ICA1L: variants seen among roughly 807,000 people sequenced by gnomAD.
ICA1L encodes the protein islet cell autoantigen 1-like protein.
A neutral mutation model predicts 61.3 loss-of-function variants in ICA1L; 50 were observed. The ratio of observed to expected loss-of-function variants is 0.82; its 90% CI spans 0.65 to 1.03. The LOEUF is 1.03. Among genes scored for constraint, ICA1L ranks in the 50% least tolerant of loss-of-function variants. The probability of loss-of-function intolerance (pLI) is 0.00; values close to 1 mark genes in which losing one functional copy is unlikely to be tolerated. For missense variants in ICA1L, 508 were observed against 556.7 expected (o/e 0.91, Z 0.88); for synonymous variants, 161 against 191.3 (o/e 0.84, Z 1.31).
At chr2:202,812,774 A>G (rs1346796668) in intron 8 of ICA1L, among the ~76,000 whole-genome samples, 1 of 152,166 alleles carries the variant, frequency 6.6e-6, no homozygotes, top group Non-Finnish European at 1.5e-5. Flanking sequence ...AATTTTCCCT[A>G]ATAGTATTAT....
intron 5 of ICA1L, 136 bp downstream of exon 5, chr2:202,819,565 A>G: frequency 1.5e-6 from 1 of 685,202 alleles, no homozygotes; most frequent in Non-Finnish European, 2.5e-6. Flanking sequence ...TACTTCAACT[A>G]CAGTCTCCAA....
chr2:202,837,965 T>C (rs976855039), intron 1 of ICA1L, among the ~76,000 whole-genome samples: 5 of 152,110 alleles, frequency 3.3e-5, no homozygotes, highest in Non-Finnish European at 1.5e-5. Context: ...GAGATTCTCC[T>C]GTCTCAGCCT....
rs1264343627 is a variant in ICA1L, at chr2:202,825,751, T to C, written c.179A>G (p.Gln60Arg). Reference protein sequence around the residue: ...DAKLEVFHSVQETCTELLKII... With the variant: ...DAKLEVFHSVRETCTELLKII... The stretch of plus-strand genomic sequence containing the variant: ...CTTCAGAAGTTCAGTGCATGTCTCT[T>C]GAACAGAGTGAAAAACCTTGAGATA... Residue 60 changes from glutamine to arginine, a missense_variant, in exon 3 of 13, where the codon CAA becomes CGA. By Grantham distance (43) the Gln-to-Arg change is conservative. Coordinates refer to ENST00000358299, the MANE Select transcript of ICA1L (RefSeq NM_001288622.3). 3.2e-6 allele frequency: 5 copies of C among 1,570,974 alleles called. No individual in the cohort carries two copies. The African/African-American group carries it at 6.8e-5, about 21-fold the overall frequency.
chr2:202,793,932 G>C (rs1487695845), intron 10 of ICA1L, among the ~76,000 whole-genome samples: 1 of 150,158 alleles, frequency 6.7e-6, no homozygotes, highest in East Asian at 2.0e-4. Flanking sequence ...GTTGCAGTGA[G>C]CCAAGAATGT....
At chr2:202,865,453 A>G (rs1301703873) in intron 1 of ICA1L, among the ~76,000 whole-genome samples, 2 of 151,636 alleles carry the variant, frequency 1.3e-5, no homozygotes, top group Non-Finnish European at 2.9e-5. Flanking sequence ...TGGGTGACAA[A>G]GCAAGACTCC....
At chr2:202,807,864 C>G (rs190406053) in intron 9 of ICA1L, among the ~76,000 whole-genome samples, 1 of 152,216 alleles carries the variant, frequency 6.6e-6, no homozygotes, top group African/African-American at 2.4e-5. Flanking sequence ...TAGACATACC[C>G]AGGGCCAGAA....
intron 1 of ICA1L, among the ~76,000 whole-genome samples, chr2:202,860,519 C>T (rs113828791): frequency 2.7e-4 from 41 of 151,836 alleles, no homozygotes; most frequent in African/African-American, 9.4e-4. Flanking sequence ...TTTGGGAGGC[C>T]GAGGCAGGCA....
At chr2:202,824,748 A>C (rs1215981658) in intron 3 of ICA1L, among the ~76,000 whole-genome samples, 1 of 152,160 alleles carries the variant, frequency 6.6e-6, no homozygotes, top group Non-Finnish European at 1.5e-5. Context: ...CAGCAGGCCC[A>C]CTGTAATTAA....
chr2:202,780,951 G>A (rs1313955749), intron 12 of ICA1L, among the ~76,000 whole-genome samples: 1 of 151,978 alleles, frequency 6.6e-6, no homozygotes, highest in Admixed American at 6.6e-5. Context: ...ACTAAATAGG[G>A]GCACTATTAG....
intron 1 of ICA1L, among the ~76,000 whole-genome samples, chr2:202,855,309 T>C (rs1007662356): frequency 6.6e-6 from 1 of 151,798 alleles, no homozygotes; most frequent in African/African-American, 2.4e-5. Flanking sequence ...AGAGCAGAAC[T>C]GAAGGAGAGA....
At chr2:202,831,323 A>G (rs1365664023) in intron 1 of ICA1L, among the ~76,000 whole-genome samples, 2 of 152,202 alleles carry the variant, frequency 1.3e-5, no homozygotes, top group African/African-American at 2.4e-5. Context: ...TAAGCATTAT[A>G]CTGTCCTGAC....
intron 1 of ICA1L, among the ~76,000 whole-genome samples, chr2:202,838,794 G>A (rs1694225752): frequency 6.6e-6 from 1 of 152,176 alleles, no homozygotes; most frequent in Non-Finnish European, 1.5e-5. Context: ...TCTGCCGGTT[G>A]TACAGGAAGT....
At chr2:202,865,326 G>A (rs1023412190) in intron 1 of ICA1L, among the ~76,000 whole-genome samples, 10 of 151,382 alleles carry the variant, frequency 6.6e-5, no homozygotes, top group African/African-American at 9.7e-5. Context: ...AAAATTAGCC[G>A]GGCGTGGTGG....
At chr2:202,785,889 G>C (rs376006732) in intron 12 of ICA1L, 29 bp downstream of exon 12, 2 of 1,197,988 alleles carry the variant, frequency 1.7e-6, no homozygotes, top group Non-Finnish European at 2.4e-6. Context: ...TTAAAGCAAT[G>C]ATAAAGAATA....
intron 1 of ICA1L, among the ~76,000 whole-genome samples, chr2:202,867,917 A>G (rs1687567191): frequency 6.6e-6 from 1 of 152,226 alleles, no homozygotes; most frequent in African/African-American, 2.4e-5. Context: ...TGCCAGCTTT[A>G]TTCAAAATGG....
intron 1 of ICA1L, among the ~76,000 whole-genome samples, chr2:202,837,276 G>C (rs572335411): frequency 1.3e-5 from 2 of 151,024 alleles, no homozygotes; most frequent in African/African-American, 4.9e-5. Flanking sequence ...CCAATTTTCC[G>C]TTGTTGTTTT....
intron 8 of ICA1L, among the ~76,000 whole-genome samples, chr2:202,813,504 G>A (rs1353278454): frequency 6.6e-6 from 1 of 152,184 alleles, no homozygotes; most frequent in Non-Finnish European, 1.5e-5. Flanking sequence ...TGCAGGTTGG[G>A]AAGTTCAAGA....
At chr2:202,814,584 T>C in intron 8 of ICA1L, 118 bp downstream of exon 8, 2 of 695,824 alleles carry the variant, frequency 2.9e-6, no homozygotes, top group Non-Finnish European at 5.0e-6. Flanking sequence ...TAGTGTTGAT[T>C]GGAAAAATGA....
chr2:202,786,840 CAG>C (rs1692604196), intron 11 of ICA1L: 1 of 410,708 alleles, frequency 2.4e-6, no homozygotes, highest in African/African-American at 2.1e-5. Flanking sequence ...TATAAAATGA[CAG>C]TACTTTGTAA....
Sources: gnomAD v4.1 joint callset for allele counts (sites outside exome capture counted in the v4.1 genomes callset) on GRCh38, gnomAD v4.1.1 for gene constraint, MANE v1.5 for transcripts, NCBI Gene and HGNC (gene_info 2026-07-23, HGNC 2026-07-21) for gene names.